FHIP1A: variants seen among roughly 807,000 people sequenced by gnomAD.
The protein encoded by FHIP1A is FHF complex subunit HOOK interacting protein 1A.
A neutral mutation model predicts 88.6 loss-of-function variants in FHIP1A; 61 were observed. That is an observed-to-expected ratio of 0.69 (90% CI 0.56 to 0.85). The LOEUF (loss-of-function observed/expected upper bound fraction) is 0.85, where lower values mean the gene tolerates loss of function less well. Ranked by LOEUF, FHIP1A falls within the 40% of genes least tolerant of loss-of-function variation. The probability of loss-of-function intolerance (pLI) is 0.00; values close to 1 mark genes in which losing one functional copy is unlikely to be tolerated. For synonymous variants in FHIP1A, 478 were observed against 496.0 expected (o/e 0.96, Z 0.48); for missense variants, 1,154 against 1,273.5 (o/e 0.91, Z 1.43).
At chr4:151,604,296 G>T (rs1734984548) in intron 7 of FHIP1A, among the ~76,000 whole-genome samples, 1 of 152,044 alleles carries the variant, frequency 6.6e-6, no homozygotes, top group Admixed American at 6.6e-5. Flanking sequence ...TCTATTGTTA[G>T]GTGATTTTGC....
intron 3 of FHIP1A, among the ~76,000 whole-genome samples, chr4:151,555,354 A>G (rs1732907234): frequency 6.6e-6 from 1 of 151,986 alleles, no homozygotes; most frequent in Non-Finnish European, 1.5e-5. Flanking sequence ...GTGGCCTTTA[A>G]TGGAATTTGA....
At chr4:151,513,229 G>A (rs1404244220) in intron 3 of FHIP1A, among the ~76,000 whole-genome samples, 1 of 152,058 alleles carries the variant, frequency 6.6e-6, no homozygotes, top group Non-Finnish European at 1.5e-5. Flanking sequence ...GAGAAATAAA[G>A]TCCTTTACAG....
At chr4:151,479,928 G>A (rs566409916) in intron 2 of FHIP1A, among the ~76,000 whole-genome samples, 1 of 152,218 alleles carries the variant, frequency 6.6e-6, no homozygotes, top group East Asian at 1.9e-4. Flanking sequence ...ACACAGGACT[G>A]TGAGCCTGAA....
chr4:151,465,251 C>G (rs373730390), intron 2 of FHIP1A, among the ~76,000 whole-genome samples: 3 of 152,082 alleles, frequency 2.0e-5, no homozygotes, highest in South Asian at 4.2e-4. Context: ...AACACCTCTA[C>G]GCAAATAAAC....
chr4:151,514,159 C>T (rs2126682073), intron 3 of FHIP1A, among the ~76,000 whole-genome samples: 1 of 152,298 alleles, frequency 6.6e-6, no homozygotes, highest in South Asian at 2.1e-4. Flanking sequence ...TCACTCAAAA[C>T]CAATCAACTA....
At chr4:151,491,443 G>C (rs941676266) in intron 3 of FHIP1A, among the ~76,000 whole-genome samples, 1 of 152,126 alleles carries the variant, frequency 6.6e-6, no homozygotes, top group Non-Finnish European at 1.5e-5. Context: ...AATGCTGAGA[G>C]AACTTGCTAC....
intron 7 of FHIP1A, among the ~76,000 whole-genome samples, chr4:151,624,389 C>T (rs1160366955): frequency 6.6e-6 from 1 of 152,120 alleles, no homozygotes; most frequent in African/African-American, 2.4e-5. Context: ...CCCACGTGTG[C>T]CTCTTGTACC....
At position 151,566,275 on chromosome 4, in the gene FHIP1A, T is replaced by C; in HGVS notation, c.16T>C (p.Ser6Pro). The change falls in exon 4 of 14, where the codon TCG (serine) becomes CCG (proline). Residue 6 changes from serine to proline, a missense_variant. Transcript: ENST00000435205. The stretch of plus-strand genomic sequence containing the variant: ...ATGAAGGCTTATGATGTCATCGGTT[T>C]CGACAGAAAGCAAACTCCAGCAGGC... MMSSV[S>P]TESKLQQAVS... The C allele has an allele frequency of 6.5e-7, 1 of 1,549,834 alleles. No individual in the cohort carries two copies. The highest frequency in any genetic ancestry group is 1.4e-5 in the African/African-American group (1 of 73,080).
intron 3 of FHIP1A, among the ~76,000 whole-genome samples, chr4:151,523,876 CT>C (rs1373720863): frequency 2.0e-5 from 3 of 152,168 alleles, no homozygotes; most frequent in Non-Finnish European, 4.4e-5. Context: ...AAGTGCAGCC[CT>C]TCCATTGATC....
chr4:151,540,640 C>T (rs1025780815), intron 3 of FHIP1A, among the ~76,000 whole-genome samples: 3 of 152,268 alleles, frequency 2.0e-5, no homozygotes, highest in East Asian at 1.9e-4. Flanking sequence ...CAGACATGAA[C>T]TGATAAAGAG....
chr4:151,616,094 T>C (rs1280717445), intron 7 of FHIP1A, among the ~76,000 whole-genome samples: 3 of 152,224 alleles, frequency 2.0e-5, no homozygotes, highest in Non-Finnish European at 1.5e-5. Flanking sequence ...TTCCATTTCA[T>C]TGAAGCACTC....
chr4:151,427,335 G>A (rs557936466), intron 1 of FHIP1A, among the ~76,000 whole-genome samples: 1 of 152,166 alleles, frequency 6.6e-6, no homozygotes, highest in Non-Finnish European at 1.5e-5. Flanking sequence ...GCTTCATTTT[G>A]TAGGAGTGAT....
At position 151,629,716 on chromosome 4, in the gene FHIP1A, G is replaced by C. The variant is rs1736079159; in HGVS notation, c.993G>C (p.Glu331Asp). 6.4e-7 allele frequency: 1 copy of C among 1,551,072 alleles called. No individual in the cohort carries two copies. The highest frequency in any genetic ancestry group is 8.7e-7 in the Non-Finnish European group (1 of 1,146,592). Residue 331 changes from glutamate (E) to aspartate (D), a missense_variant, in exon 8 of 14, where the codon GAG becomes GAC. Coordinates refer to ENST00000435205, the MANE Select transcript of FHIP1A (RefSeq NM_001109977.3). ...GTTTGTCCTAGGTGACTGTGGAAGA[G>C]GTCATGACCACAACTGCATATCTGG... ...APALHKVTVE[E>D]VMTTTAYLDL...
At chr4:151,475,015 T>C (rs935972956) in intron 2 of FHIP1A, among the ~76,000 whole-genome samples, 2 of 152,248 alleles carry the variant, frequency 1.3e-5, no homozygotes, top group African/African-American at 2.4e-5. Flanking sequence ...AAGTCACCTG[T>C]CATTTGTTTT....
chr4:151,600,668 C>T (rs114290241), intron 7 of FHIP1A, among the ~76,000 whole-genome samples: 1 of 152,152 alleles, frequency 6.6e-6, no homozygotes, highest in African/African-American at 2.4e-5. Flanking sequence ...TGTCTGGGGC[C>T]TCAGCAGGCT....
chr4:151,455,398 A>C (rs1728932046), intron 2 of FHIP1A, among the ~76,000 whole-genome samples: 5 of 152,216 alleles, frequency 3.3e-5, no homozygotes, highest in Admixed American at 3.3e-4. Context: ...AAAGGAGGGC[A>C]GGTCATCCCT....
At position 151,665,793 on chromosome 4, in the gene FHIP1A, G is replaced by A. The variant is rs1223256787; in HGVS notation, c.*3039G>A. ...CCTTAGAAATATCTTTTTTTATAAT[G>A]AGTTGGGGGGAAAATCTTAAATATG... On this transcript the variant is annotated 3_prime_UTR_variant, in exon 14 of 14. Transcript: ENST00000435205. 6.6e-6 allele frequency among the ~76,000 whole-genome samples: 1 copy of A among 152,210 alleles called. No individual in the cohort carries two copies. Among genetic ancestry groups the A allele is most frequent in the Non-Finnish European group, 1.5e-5 (1 of 68,038 alleles).
At chr4:151,515,631 A>C (rs1048256900) in intron 3 of FHIP1A, among the ~76,000 whole-genome samples, 2 of 151,462 alleles carry the variant, frequency 1.3e-5, no homozygotes, top group South Asian at 4.2e-4. Flanking sequence ...CAATGTACAA[A>C]AATCACAAGC....
chr4:151,480,429 T>C (rs1345591201), intron 2 of FHIP1A, among the ~76,000 whole-genome samples: 2 of 151,984 alleles, frequency 1.3e-5, no homozygotes, highest in Admixed American at 6.6e-5. Context: ...ATTCACAAAT[T>C]GCAAGATGAG....
Sources: gnomAD v4.1 joint callset for allele counts (sites outside exome capture counted in the v4.1 genomes callset) on GRCh38, gnomAD v4.1.1 for gene constraint, MANE v1.5 for transcripts, NCBI Gene and HGNC (gene_info 2026-07-23, HGNC 2026-07-21) for gene names.